Variants in M1AP observed in about 807,000 individuals in gnomAD.
The protein encoded by M1AP is meiosis 1 arrest protein.
Under a neutral mutation model 51.2 loss-of-function variants are expected in M1AP, and 39 were observed. The ratio of observed to expected loss-of-function variants is 0.76; its 90% CI spans 0.59 to 1.00. M1AP has a LOEUF of 1.00. M1AP is among the 50% of genes least tolerant of loss of function. M1AP has a pLI of 0.00. For missense variants in M1AP, 545 were observed against 641.2 expected (o/e 0.85, Z 1.62); for synonymous variants, 251 against 249.2 (o/e 1.01, Z -0.07).
At chr2:74,590,565 A>G (rs1326423562) in intron 4 of M1AP, among the ~76,000 whole-genome samples, 1 of 152,182 alleles carries the variant, frequency 6.6e-6, no homozygotes, top group African/African-American at 2.4e-5. Context: ...TGGGTAAGAA[A>G]AAGTTTAGAG....
chr2:74,630,417 C>G (rs1682635310), intron 2 of M1AP, among the ~76,000 whole-genome samples: 1 of 152,170 alleles, frequency 6.6e-6, no homozygotes, highest in Non-Finnish European at 1.5e-5. Context: ...GTTTGCTGTA[C>G]CTATCAACCC....
intron 2 of M1AP, among the ~76,000 whole-genome samples, chr2:74,622,741 G>A (rs1682133495): frequency 6.6e-6 from 1 of 151,882 alleles, no homozygotes; most frequent in South Asian, 2.1e-4. Context: ...GTAAATATAT[G>A]AGTAAAATGA....
In M1AP at chr2:74,640,014, G is replaced by T. The variant is rs964773939; in HGVS notation, c.240+22C>A. 3.1e-6 allele frequency: 5 copies of T among 1,601,162 alleles called. No homozygotes were observed. In the African/African-American group the frequency reaches 4.0e-5, roughly 13 times the overall value. ...ACTGTATTTGCTTTCAGGGTAAAATGAATAAATATAGATATACTTACCACA... is the reference window on the plus strand; with the variant it reads ...ACTGTATTTGCTTTCAGGGTAAAATTAATAAATATAGATATACTTACCACA... On this transcript the variant is annotated intron_variant, in intron 2 of 10. Transcript: ENST00000421985.
intron 7 of M1AP, among the ~76,000 whole-genome samples, chr2:74,564,406 G>T (rs1678239648): frequency 6.6e-6 from 1 of 152,150 alleles, no homozygotes; most frequent in Non-Finnish European, 1.5e-5. Flanking sequence ...TGTGGGGTAG[G>T]ACTTGACTGA....
intron 5 of M1AP, among the ~76,000 whole-genome samples, chr2:74,578,229 G>A (rs1679196347): frequency 6.6e-6 from 1 of 152,214 alleles, no homozygotes; most frequent in South Asian, 2.1e-4. Context: ...CAGACCAACT[G>A]AATCAGGGTC....
chr2:74,613,244 G>A (rs113032508), intron 3 of M1AP, among the ~76,000 whole-genome samples: 9 of 152,102 alleles, frequency 5.9e-5, no homozygotes, highest in African/African-American at 2.2e-4. Flanking sequence ...TTTAAATTCT[G>A]TGGTCTGAGA....
Position 74,640,265 on chromosome 2 carries a change from C to T in M1AP, c.11G>A (p.Gly4Glu). 1 of 1,614,028 alleles carries T rather than the reference C, an allele frequency of 6.2e-7. No individual in the cohort carries two copies. ...AGAGGGCCCTTTACCAGTAGTTCGCCCAGGATGCATGGCAGCAAAACCAGA... is the reference window on the plus strand; with the variant it reads ...AGAGGGCCCTTTACCAGTAGTTCGCTCAGGATGCATGGCAGCAAAACCAGA... MHP[G>E]RTTGKGPSTH... The change falls in exon 2 of 11, where the codon GGG becomes GAG. Residue 4 changes from glycine to glutamate, a missense_variant. Physicochemically the swap from Gly to Glu is moderately conservative, Grantham distance 98. Coordinates refer to ENST00000421985, the MANE Select transcript of M1AP (RefSeq NM_001321739.2).
At chr2:74,580,923 C>CTGAT (rs2104587280) in intron 5 of M1AP, among the ~76,000 whole-genome samples, 2 of 152,254 alleles carry the variant, frequency 1.3e-5, no homozygotes, top group South Asian at 4.2e-4. Flanking sequence ...CTCAGTGTGG[C>CTGAT]TGATTAGACT....
intron 2 of M1AP, among the ~76,000 whole-genome samples, chr2:74,635,867 AGTTT>A (rs1682962309): frequency 6.6e-6 from 1 of 152,044 alleles, no homozygotes; most frequent in African/African-American, 2.4e-5. Context: ...CAATTTTTAA[AGTTT>A]GTTTAAGTTT....
At chr2:74,644,725 G>A (rs1290428656) in intron 1 of M1AP, among the ~76,000 whole-genome samples, 1 of 151,996 alleles carries the variant, frequency 6.6e-6, no homozygotes, top group Non-Finnish European at 1.5e-5. Flanking sequence ...CTAATCTGTT[G>A]AAAGTCATCT....
intron 8 of M1AP, among the ~76,000 whole-genome samples, chr2:74,561,232 A>AAGG (rs374729127): frequency 0.034 from 1,139 of 33,942 alleles, 60 homozygotes; most frequent in African/African-American, 0.06. Context: ...GGAGGAGGAG[A>AAGG]AGGAGGAGGA....
intron 5 of M1AP, among the ~76,000 whole-genome samples, chr2:74,578,973 C>T (rs1278988442): frequency 1.3e-5 from 2 of 152,160 alleles, no homozygotes; most frequent in African/African-American, 4.8e-5. Context: ...AGGTGGGTCA[C>T]ATCCACCCTA....
chr2:74,592,928 G>A (rs745350596), intron 4 of M1AP, among the ~76,000 whole-genome samples: 190 of 152,166 alleles, frequency 1.2e-3, no homozygotes, highest in Non-Finnish European at 2.0e-3. Context: ...ATCTATATTC[G>A]TGCCTATTTC....
At chr2:74,561,121 G>A (rs1573052728) in intron 8 of M1AP, among the ~76,000 whole-genome samples, 13 of 102,738 alleles carry the variant, frequency 1.3e-4, no homozygotes, top group African/African-American at 4.8e-4. Flanking sequence ...GAAGGAGGAG[G>A]AGGAGAAGGA....
chr2:74,576,343 C>T, intron 6 of M1AP, 113 bp downstream of exon 6: 1 of 1,176,274 alleles, frequency 8.5e-7, no homozygotes, highest in Non-Finnish European at 1.2e-6. Flanking sequence ...TACTTCGGAA[C>T]TGACTCTTGC....
intron 2 of M1AP, among the ~76,000 whole-genome samples, chr2:74,616,324 T>C (rs941309906): frequency 6.6e-6 from 1 of 152,210 alleles, no homozygotes; most frequent in Non-Finnish European, 1.5e-5. Context: ...TTGCTAACGA[T>C]GTAACTTCCT....
In M1AP at chr2:74,626,659, AGTTT is replaced by A. The variant is rs575605452; in HGVS notation, c.241-11514_241-11511del. ...ATACAATCTGTTCTAGTACTTGTAT[AGTTT>A]ATTTTTATACTTTGCTCCATCAGGA... is the stretch of plus-strand genomic sequence containing the variant. On this transcript the variant is annotated intron_variant, in intron 2 of 10. Coordinates refer to ENST00000421985, the MANE Select transcript of M1AP (RefSeq NM_001321739.2). 2.2e-3 allele frequency among the ~76,000 whole-genome samples: 333 copies of A among 152,294 alleles called. 1 individual carries two copies. Among genetic ancestry groups the A allele is most frequent in the African/African-American group, 7.8e-3 (323 of 41,570 alleles).
chr2:74,640,780 C>T (rs893393534), intron 1 of M1AP, among the ~76,000 whole-genome samples: 1 of 152,174 alleles, frequency 6.6e-6, no homozygotes, highest in African/African-American at 2.4e-5. Flanking sequence ...TTAACAGCTC[C>T]CAAGAGATCT....
intron 8 of M1AP, among the ~76,000 whole-genome samples, chr2:74,561,076 GAGGAGGAGGAGGAGAAGGAGA>G (rs1677902725): frequency 1.2e-5 from 1 of 80,966 alleles, no homozygotes; most frequent in East Asian, 3.8e-4. Context: ...GGAGGAGGAG[GAGGAGGAGGAGGAGAAGGAGA>G]AGGAGGAGGA....
Sources: allele counts gnomAD v4.1 joint callset (sites outside exome capture counted in the v4.1 genomes callset), GRCh38; gene constraint gnomAD v4.1.1; transcripts MANE v1.5; gene names NCBI Gene and HGNC (gene_info 2026-07-23, HGNC 2026-07-21).